The following MTREX variants were observed in gnomAD, a reference collection of about 807,000 sequenced individuals.
MTREX encodes the protein Mtr4 exosome RNA helicase, also known as exosome RNA helicase MTR4.
Under a neutral mutation model 135.4 loss-of-function variants are expected in MTREX, and 76 were observed. That is an observed-to-expected ratio of 0.56 (90% CI 0.47 to 0.68). MTREX has a LOEUF of 0.68. Among genes scored for constraint, MTREX ranks in the 30% least tolerant of loss-of-function variants. MTREX has a pLI of 0.00. For synonymous variants in MTREX, 404 were observed against 401.6 expected (o/e 1.01, Z -0.07); for missense variants, 920 against 1,262.1 (o/e 0.73, Z 4.11).
At chr5:55,352,347 C>G (rs1749843125) in intron 13 of MTREX, among the ~76,000 whole-genome samples, 1 of 150,742 alleles carries the variant, frequency 6.6e-6, no homozygotes, top group Non-Finnish European at 1.5e-5. Context: ...CTGGTATGTC[C>G]CTTCTAGATT....
At chr5:55,351,938 C>T (rs931782441) in intron 13 of MTREX, among the ~76,000 whole-genome samples, 18 of 151,950 alleles carry the variant, frequency 1.2e-4, no homozygotes, top group African/African-American at 4.3e-4. Context: ...TCTCCTGCCT[C>T]AGCCTCCCAA....
At chr5:55,377,998 C>CAA (rs56851771) in intron 16 of MTREX, among the ~76,000 whole-genome samples, 71 of 134,976 alleles carry the variant, frequency 5.3e-4, no homozygotes, top group East Asian at 2.7e-3. Flanking sequence ...CGGAAAGGTG[C>CAA]AAAAAAAAAA....
intron 19 of MTREX, among the ~76,000 whole-genome samples, 177 bp from the exon 20 acceptor site, chr5:55,397,239 G>A (rs1422856738): frequency 6.6e-6 from 1 of 152,114 alleles, no homozygotes; most frequent in African/African-American, 2.4e-5. Context: ...TTTAAATACA[G>A]TCTCTAATAA....
At chr5:55,406,112 C>T (rs1033881844) in intron 22 of MTREX, among the ~76,000 whole-genome samples, 5 of 152,296 alleles carry the variant, frequency 3.3e-5, no homozygotes, top group Middle Eastern at 3.4e-3. Flanking sequence ...TTATAAGCCA[C>T]AGATTAAAAC....
At chr5:55,339,774 TG>T (rs1304453722) in intron 5 of MTREX, among the ~76,000 whole-genome samples, 1 of 152,200 alleles carries the variant, frequency 6.6e-6, no homozygotes, top group Non-Finnish European at 1.5e-5. Flanking sequence ...AGTAATCTAT[TG>T]CTATTAGTGA....
At chr5:55,367,991 G>A (rs375641721) in intron 16 of MTREX, among the ~76,000 whole-genome samples, 4 of 152,132 alleles carry the variant, frequency 2.6e-5, no homozygotes, top group African/African-American at 4.8e-5. Flanking sequence ...TTTGTTTCAC[G>A]AATAAGTTTG....
intron 21 of MTREX, among the ~76,000 whole-genome samples, chr5:55,402,820 A>ATGTG (rs1301938800): frequency 0.022 from 755 of 33,792 alleles, 9 homozygotes; most frequent in African/African-American, 0.05. Flanking sequence ...TAAGCACATT[A>ATGTG]TATGTGTGTG....
At chr5:55,310,845 G>A (rs1749100807) in intron 1 of MTREX, among the ~76,000 whole-genome samples, 1 of 152,088 alleles carries the variant, frequency 6.6e-6, no homozygotes, top group Admixed American at 6.5e-5. Context: ...CTGGTGCTTA[G>A]CAGCTTATGG....
At chr5:55,347,410 T>C (rs1387431541) in intron 11 of MTREX, among the ~76,000 whole-genome samples, 3 of 152,206 alleles carry the variant, frequency 2.0e-5, no homozygotes, top group African/African-American at 7.2e-5. Flanking sequence ...TGCCTTCTTA[T>C]ACTTTGTTAC....
intron 11 of MTREX, 111 bp downstream of exon 11, chr5:55,347,255 C>A: frequency 9.7e-7 from 1 of 1,030,896 alleles, no homozygotes; most frequent in Non-Finnish European, 1.4e-6. Context: ...ATTCACCTTA[C>A]AGTTACAGCA....
chr5:55,388,037 A>G lies in MTREX; in HGVS notation c.2116A>G (p.Ser706Gly). Residue 706 changes from serine to glycine, a missense_variant, in exon 19 of 27, where the codon AGC becomes GGC. Physicochemically the swap from Ser to Gly is moderately conservative, Grantham distance 56. Around this residue, in one of 6 missense-constraint regions of MTREX, gnomAD observed 467 missense variants for 589.7 expected, o/e 0.79. Transcript: ENST00000230640. ...VEVLLRCSKESLKNSATEAAK... is the reference protein window; with the variant it reads ...VEVLLRCSKEGLKNSATEAAK... ...AGTACTTCTGCGCTGTAGCAAAGAG[A>G]GCTTGAAAAATTCAGCTACAGAAGC... 6.2e-7 allele frequency: 1 copy of G among 1,609,010 alleles called. No homozygotes were observed. Among genetic ancestry groups the G allele is most frequent in the Non-Finnish European group, 8.5e-7 (1 of 1,176,410 alleles).
At chr5:55,352,202 T>G (rs1444235424) in intron 13 of MTREX, among the ~76,000 whole-genome samples, 1 of 152,070 alleles carries the variant, frequency 6.6e-6, no homozygotes, top group East Asian at 1.9e-4. Flanking sequence ...TTAAAAATTA[T>G]TAGAATTTTA....
At chr5:55,371,471 C>CT in intron 16 of MTREX, among the ~76,000 whole-genome samples, 1 of 152,110 alleles carries the variant, frequency 6.6e-6, no homozygotes, top group Non-Finnish European at 1.5e-5. Flanking sequence ...TGCAAGCTGT[C>CT]TTAAGAGTTT....
intron 5 of MTREX, among the ~76,000 whole-genome samples, chr5:55,337,139 A>G (rs1010341995): frequency 6.6e-6 from 1 of 151,696 alleles, no homozygotes; most frequent in Non-Finnish European, 1.5e-5. Flanking sequence ...TTTTTCTTTT[A>G]TGAGACAGGG....
intron 22 of MTREX, among the ~76,000 whole-genome samples, chr5:55,406,785 G>A (rs113360815): frequency 8.5e-5 from 13 of 152,118 alleles, no homozygotes; most frequent in Non-Finnish European, 1.2e-4. Flanking sequence ...AAATTTCCAC[G>A]TATGCACATG....
intron 18 of MTREX, among the ~76,000 whole-genome samples, chr5:55,387,281 C>T (rs1182889525): frequency 2.6e-5 from 4 of 151,998 alleles, no homozygotes; most frequent in Admixed American, 2.0e-4. Context: ...GAAATGGATT[C>T]GTTGTCATTT....
At chr5:55,350,830 A>T in intron 12 of MTREX, 89 bp from the exon 13 acceptor site, 2 of 1,056,818 alleles carry the variant, frequency 1.9e-6, no homozygotes, top group Non-Finnish European at 2.8e-6. Context: ...AAGAGAAAGC[A>T]TTCTTTACTG....
At chr5:55,343,541 ATGT>A (rs1310857657) in intron 8 of MTREX, 86 bp downstream of exon 8, 1 of 1,182,770 alleles carries the variant, frequency 8.5e-7, no homozygotes, top group East Asian at 2.4e-5. Flanking sequence ...TTTTCTCCTG[ATGT>A]TGTCCAGAAT....
At chr5:55,331,740 T>C (rs1378979300) in intron 5 of MTREX, among the ~76,000 whole-genome samples, 1 of 152,186 alleles carries the variant, frequency 6.6e-6, no homozygotes, top group Non-Finnish European at 1.5e-5. Flanking sequence ...TCTGTTCAAC[T>C]TAGGGAAACT....
Sources: allele counts gnomAD v4.1 joint callset (sites outside exome capture counted in the v4.1 genomes callset), GRCh38; gene constraint gnomAD v4.1.1; regional missense constraint gnomAD v4.1.1; transcripts MANE v1.5; gene names NCBI Gene and HGNC (gene_info 2026-07-23, HGNC 2026-07-21).